The following MACF1 variants were observed in gnomAD, a reference collection of about 807,000 sequenced individuals.
MACF1 encodes the protein microtubule actin crosslinking factor 1.
MACF1 carries 193 observed loss-of-function variants against 854.8 expected under a neutral mutation model. The observed-to-expected ratio is 0.23, with a 90% CI of 0.20 to 0.25. The LOEUF is 0.25. MACF1 is among the 10% of genes least tolerant of loss of function. The pLI is 1.00. For missense variants in MACF1, 7,722 were observed against 8,929.1 expected (o/e 0.86, Z 5.45); for synonymous variants, 3,185 against 3,226.7 (o/e 0.99, Z 0.44).
At chr1:39,238,417 C>G (rs2148317747) in intron 2 of MACF1, among the ~76,000 whole-genome samples, 1 of 152,314 alleles carries the variant, frequency 6.6e-6, no homozygotes, top group East Asian at 1.9e-4. Context: ...CCTTCCTGAG[C>G]TCCCCAGAGG....
chr1:39,181,397 G>A (rs1056688873), intron 2 of MACF1, among the ~76,000 whole-genome samples: 6 of 152,152 alleles, frequency 3.9e-5, no homozygotes, highest in African/African-American at 4.8e-5. Context: ...ATATTGTTAA[G>A]ATGGCAGCAC....
chr1:39,335,133 T>TGCAAG lies in MACF1; in HGVS notation c.8547_8551dup (p.Asp2851AlafsTer20). On this transcript the variant is annotated frameshift_variant, in exon 37 of 101. Transcript: ENST00000564288. LOFTEE classifies it high-confidence loss of function. ...GGAAATTTCCTTAAAGGAATTTGGG[T>TGCAAG]GCAAGGATCAACGTAAGCCAAGAAT... The TGCAAG allele has an allele frequency of 6.2e-7, 1 of 1,614,124 alleles. No homozygotes were observed. The highest frequency in any genetic ancestry group is 8.5e-7 in the Non-Finnish European group (1 of 1,180,000).
At chr1:39,280,854 A>G (rs1043343671) in intron 6 of MACF1, among the ~76,000 whole-genome samples, 6 of 152,358 alleles carry the variant, frequency 3.9e-5, no homozygotes, top group African/African-American at 1.2e-4. Flanking sequence ...CTGGGATTAC[A>G]GGCGTGAGCC....
intron 1 of MACF1, among the ~76,000 whole-genome samples, chr1:39,230,719 T>C (rs933707088): frequency 5.3e-5 from 8 of 151,948 alleles, no homozygotes; most frequent in African/African-American, 1.9e-4. Flanking sequence ...GGTAAAGAAA[T>C]TGGAATGAAG....
At chr1:39,352,023 A>T (rs367570111) in intron 43 of MACF1, among the ~76,000 whole-genome samples, 135 of 152,284 alleles carry the variant, frequency 8.9e-4, no homozygotes, top group African/African-American at 3.2e-3. Flanking sequence ...CACTCGGATA[A>T]ACCAAAGAGA....
rs1241523144 is a variant in MACF1 at position 39,334,578 on chromosome 1, C to T, written c.7990C>T (p.Leu2664Phe). The T allele has an allele frequency of 6.2e-7, 1 of 1,614,076 alleles. No individual in the cohort carries two copies. The highest frequency in any genetic ancestry group is 1.7e-5 in the Admixed American group (1 of 60,012). ...DIKDGVSDKV[L>F]TLSQAIQLGK... The stretch of plus-strand genomic sequence containing the variant: ...TAAAGATGGGGTGAGCGACAAAGTG[C>T]TTACATTGTCTCAAGCAATTCAGCT... The change falls in exon 37 of 101, where the codon CTT becomes TTT. Residue 2664 changes from leucine to phenylalanine, a missense_variant. Transcript: ENST00000564288.
At chr1:39,422,626 A>G (rs1643583595) in intron 59 of MACF1, 91 bp downstream of exon 59, 2 of 1,540,440 alleles carry the variant, frequency 1.3e-6, no homozygotes, top group South Asian at 1.2e-5. Context: ...CTGAATGGAA[A>G]TAAAAATTTA....
intron 2 of MACF1, among the ~76,000 whole-genome samples, chr1:39,187,085 T>G (rs1305564347): frequency 6.6e-6 from 1 of 152,074 alleles, no homozygotes; most frequent in Admixed American, 6.5e-5. Flanking sequence ...CGTACACACT[T>G]TCTCTTCCCC....
At chr1:39,479,325 A>G (rs1644972178) in intron 97 of MACF1, among the ~76,000 whole-genome samples, 2 of 152,086 alleles carry the variant, frequency 1.3e-5, no homozygotes. Context: ...ATTGTTACTG[A>G]CTGAATTCAA....
intron 15 of MACF1, 88 bp downstream of exon 15, chr1:39,287,650 C>T: frequency 7.2e-7 from 1 of 1,381,776 alleles, no homozygotes; most frequent in East Asian, 2.3e-5. Flanking sequence ...CTTTGTGTTC[C>T]CTGTGCAGAT....
chr1:39,316,509 G>T lies in MACF1; in HGVS notation c.3568G>T (p.Ala1190Ser), dbSNP rs749857238. Reference sequence around the variant, plus strand: ...ACTGGCAGATCTCTCAGCTCTGGAGGCCCATTGGTCGACATTACGGGTGAG... The same window carrying T: ...ACTGGCAGATCTCTCAGCTCTGGAGTCCCATTGGTCGACATTACGGGTGAG... ...VVLADLSALE[A>S]HWSTLRHWLS... The change falls in exon 28 of 101, where the codon GCC becomes TCC. Residue 1190 changes from alanine to serine, a missense_variant. Around this residue, in one of 15 missense-constraint regions of MACF1, gnomAD observed 1,137 missense variants for 1,263.0 expected, o/e 0.90. Transcript: ENST00000564288. 1 of 1,613,430 alleles carries T rather than the reference G, an allele frequency of 6.2e-7. No individual in the cohort carries two copies. The highest frequency in any genetic ancestry group is 1.7e-5 in the Admixed American group (1 of 59,972).
At chr1:39,244,544 G>C (rs767639917) in intron 2 of MACF1, among the ~76,000 whole-genome samples, 1 of 150,006 alleles carries the variant, frequency 6.7e-6, no homozygotes, top group Non-Finnish European at 1.5e-5. Context: ...GCCTCCCAAA[G>C]TGCTAGGATT....
intron 58 of MACF1, chr1:39,410,887 G>A (rs2148612937): frequency 6.2e-7 from 1 of 1,614,022 alleles, no homozygotes; most frequent in East Asian, 2.2e-5. Flanking sequence ...AGAGGTGCAA[G>A]ATTTTAAAAA....
At position 39,180,531 on chromosome 1, in the gene MACF1, G is replaced by A. The variant is rs141336472; in HGVS notation, c.221-50651G>A. 5.1e-3 allele frequency among the ~76,000 whole-genome samples: 773 copies of A among 152,238 alleles called. 5 individuals carry two copies. The highest frequency in any genetic ancestry group is 0.018 in the African/African-American group (733 of 41,538). ...CCGGGGAGGCTGAGACAGGAGAATC[G>A]CTTGAATCTGGGAGGCAGAGGTTTC... On this transcript the variant is annotated intron_variant, in intron 2 of 93. Transcript: ENST00000361689.
intron 6 of MACF1, chr1:39,269,412 A>G (rs988530808): frequency 4.2e-5 from 54 of 1,289,696 alleles, no homozygotes; most frequent in Non-Finnish European, 5.0e-5. Flanking sequence ...AGCTTCCTGG[A>G]TTATAGAATG....
At chr1:39,375,690 G>A (rs1649660337) in intron 52 of MACF1, among the ~76,000 whole-genome samples, 1 of 152,214 alleles carries the variant, frequency 6.6e-6, no homozygotes, top group Admixed American at 6.5e-5. Context: ...GATGACAAAT[G>A]TTTTTGAAAG....
chr1:39,159,050 T>G (rs1055591073), intron 2 of MACF1, among the ~76,000 whole-genome samples: 2 of 152,178 alleles, frequency 1.3e-5, no homozygotes, highest in South Asian at 4.1e-4. Context: ...TCCCTACCCT[T>G]TGTCCTTGCT....
chr1:39,304,285 T>C, intron 23 of MACF1: 1 of 592,138 alleles, frequency 1.7e-6, no homozygotes, highest in South Asian at 1.4e-5. Flanking sequence ...ATTTCAGTAG[T>C]GACTTATTTC....
chr1:39,133,306 G>A (rs887399762), intron 2 of MACF1, among the ~76,000 whole-genome samples: 3 of 152,198 alleles, frequency 2.0e-5, no homozygotes, highest in African/African-American at 4.8e-5. Context: ...AGAGCTACCC[G>A]TCCAGTCTGG....
Sources: gnomAD v4.1 joint callset for allele counts (sites outside exome capture counted in the v4.1 genomes callset) on GRCh38, gnomAD v4.1.1 for gene constraint, gnomAD v4.1.1 regional missense constraint, MANE v1.5 for transcripts, NCBI Gene and HGNC (gene_info 2026-07-23, HGNC 2026-07-21) for gene names.